The following MBTD1 variants were observed in gnomAD, a reference collection of about 807,000 sequenced individuals.
MBTD1 encodes the protein mbt domain containing 1.
A neutral mutation model predicts 87.8 loss-of-function variants in MBTD1; 24 were observed. That is an observed-to-expected ratio of 0.27 (90% CI 0.20 to 0.38). The LOEUF (loss-of-function observed/expected upper bound fraction) is 0.38, where lower values mean the gene tolerates loss of function less well. MBTD1 is among the 10% of genes least tolerant of loss of function. The pLI, the probability that MBTD1 is intolerant of heterozygous loss-of-function variation, is 1.00. For synonymous variants in MBTD1, 237 were observed against 248.6 expected (o/e 0.95, Z 0.44); for missense variants, 436 against 760.2 (o/e 0.57, Z 5.02).
At chr17:51,260,450 T>C, upstream of MBTD1, 3 of 940,594 alleles carry the variant, frequency 3.2e-6, no homozygotes, top group African/African-American at 1.7e-5. Context: ...AGGGAGGGAG[T>C]GCTGGTCACG....
intron 2 of MBTD1, among the ~76,000 whole-genome samples, chr17:51,226,277 C>T (rs1054530256): frequency 6.6e-6 from 1 of 150,676 alleles, no homozygotes; most frequent in Non-Finnish European, 1.5e-5. Flanking sequence ...TTTGGGAGGC[C>T]GAGGTGGTCA....
At chr17:51,247,477 T>C (rs1383399949) in intron 2 of MBTD1, among the ~76,000 whole-genome samples, 1 of 151,058 alleles carries the variant, frequency 6.6e-6, no homozygotes. Flanking sequence ...GACACGGTCT[T>C]GCTCTATCGT....
Position 51,225,687 on chromosome 17 carries a change from A to C in MBTD1, c.-48-478T>G, listed in dbSNP as rs2053174364. Among the ~76,000 whole-genome samples, 3 of 152,014 alleles carry C rather than the reference A, an allele frequency of 2.0e-5. No homozygotes were observed. In the South Asian group the frequency reaches 6.2e-4, roughly 32 times the overall value. On this transcript the variant is annotated intron_variant, in intron 2 of 16. Coordinates refer to ENST00000586178, the MANE Select transcript of MBTD1 (RefSeq NM_017643.3). ...ATGTCCTGCCTCTGCATCCCAAAGC[A>C]CTGGGATGACAGGCGTGAGCCAGTG...
intron 16 of MBTD1, among the ~76,000 whole-genome samples, chr17:51,187,585 C>G (rs996548686): frequency 6.6e-6 from 1 of 151,996 alleles, no homozygotes; most frequent in Non-Finnish European, 1.5e-5. Flanking sequence ...TACAGTGGCT[C>G]ACACCTATGA....
chr17:51,252,926 A>G (rs1338719227), intron 2 of MBTD1, among the ~76,000 whole-genome samples: 3 of 151,912 alleles, frequency 2.0e-5, no homozygotes, highest in African/African-American at 7.3e-5. Flanking sequence ...AAATAATATA[A>G]GCCTAAGCTT....
At chr17:51,260,051 G>C (rs184016270), upstream of MBTD1, 1 of 405,766 alleles carries the variant, frequency 2.5e-6, no homozygotes, top group East Asian at 3.6e-5. Flanking sequence ...AACAACATTA[G>C]CATAGCCCTC....
At chr17:51,220,538 T>A (rs1024784488) in intron 3 of MBTD1, 75 bp from the exon 4 acceptor site, 1 of 1,332,460 alleles carries the variant, frequency 7.5e-7, no homozygotes, top group African/African-American at 1.5e-5. Context: ...TTTAAATAAT[T>A]TCTCCTGCCA....
intron 2 of MBTD1, among the ~76,000 whole-genome samples, chr17:51,246,362 T>C (rs1423388352): frequency 1.3e-5 from 2 of 152,260 alleles, no homozygotes; most frequent in Non-Finnish European, 2.9e-5. Context: ...TGTGGTGTCA[T>C]GTCCATGCTC....
intron 6 of MBTD1, 29 bp from the exon 7 acceptor site, chr17:51,207,034 T>C (rs766921263): frequency 7.9e-7 from 1 of 1,266,550 alleles, no homozygotes; most frequent in South Asian, 1.2e-5. Context: ...TAAATTATTG[T>C]CTTATTAACA....
chr17:51,236,192 T>C (rs755978677), intron 2 of MBTD1, among the ~76,000 whole-genome samples: 4 of 152,196 alleles, frequency 2.6e-5, no homozygotes, highest in African/African-American at 7.2e-5. Flanking sequence ...TAGATATCTA[T>C]ATCCCCAGTG....
chr17:51,190,766 T>C lies in MBTD1; in HGVS notation c.1768+1437A>G, dbSNP rs138570357. Among the ~76,000 whole-genome samples the C allele has an allele frequency of 6.4e-3, 784 of 122,390 alleles. 36 individuals are homozygous for C. In the East Asian group the frequency reaches 0.1, roughly 16 times the overall value. The allele number at this position is 122,390 out of a possible 152,430, so 80.3% of individuals were successfully genotyped here. ...AAAAAAAAAAATATATATATATATA[T>C]ATATAACCTTATCTAAGAATGAAAT... is the stretch of plus-strand genomic sequence containing the variant. On this transcript the variant is annotated intron_variant, in intron 16 of 16. Coordinates refer to ENST00000586178, the MANE Select transcript of MBTD1 (RefSeq NM_017643.3).
chr17:51,205,870 A>T (rs960881687), intron 7 of MBTD1, among the ~76,000 whole-genome samples: 1 of 152,220 alleles, frequency 6.6e-6, no homozygotes, highest in Non-Finnish European at 1.5e-5. Flanking sequence ...AGCAGTCTAC[A>T]GTGTGTTTTG....
upstream of MBTD1, chr17:51,260,745 C>T (rs377075898): frequency 1.9e-6 from 3 of 1,584,424 alleles, no homozygotes; most frequent in African/African-American, 1.3e-5. Flanking sequence ...CCGGCCCGGC[C>T]GAGCGCGGCG....
intron 2 of MBTD1, 143 bp downstream of exon 2, chr17:51,259,000 C>A: frequency 5.1e-6 from 2 of 391,918 alleles, no homozygotes; most frequent in South Asian, 2.9e-4. Flanking sequence ...AAAAAAGGAG[C>A]AACTTAACCA....
At chr17:51,252,427 C>T (rs2054841770) in intron 2 of MBTD1, among the ~76,000 whole-genome samples, 1 of 152,088 alleles carries the variant, frequency 6.6e-6, no homozygotes, top group Non-Finnish European at 1.5e-5. Context: ...ACATTTTGCT[C>T]TTCAAAATAA....
At chr17:51,200,911 A>G (rs989781829) in intron 12 of MBTD1, among the ~76,000 whole-genome samples, 1 of 151,940 alleles carries the variant, frequency 6.6e-6, no homozygotes, top group Non-Finnish European at 1.5e-5. Context: ...CTATAATCCT[A>G]GCACTTTAGG....
intron 2 of MBTD1, among the ~76,000 whole-genome samples, chr17:51,258,850 CCCAGCA>C (rs1391149773): frequency 6.6e-6 from 1 of 152,188 alleles, no homozygotes; most frequent in Non-Finnish European, 1.5e-5. Flanking sequence ...TTGACACTGA[CCCAGCA>C]AAGTTTTCGG....
chr17:51,257,374 C>T lies in MBTD1; in HGVS notation c.-49+1769G>A, dbSNP rs556149899. On this transcript the variant is annotated intron_variant, in intron 2 of 16. Transcript: ENST00000586178. ...TTTTAGAATGTGGTTACTCAGACTACTGAGCACTCTTGGCTTTTAGTAATT... is the reference window on the plus strand; with the variant it reads ...TTTTAGAATGTGGTTACTCAGACTATTGAGCACTCTTGGCTTTTAGTAATT... Among the ~76,000 whole-genome samples, 246 of 152,234 alleles carry T rather than the reference C, an allele frequency of 1.6e-3. 1 individual carries two copies. The highest frequency in any genetic ancestry group is 3.1e-3 in the Non-Finnish European group (209 of 68,042).
At chr17:51,250,364 G>A (rs2054705999) in intron 2 of MBTD1, 1 of 152,140 alleles carries the variant, frequency 6.6e-6, no homozygotes, top group Admixed American at 6.5e-5. Flanking sequence ...CAGTCTTTTT[G>A]TAGGAAATGT....
Sources: allele counts gnomAD v4.1 joint callset (sites outside exome capture counted in the v4.1 genomes callset), GRCh38; gene constraint gnomAD v4.1.1; transcripts MANE v1.5; gene names NCBI Gene and HGNC (gene_info 2026-07-23, HGNC 2026-07-21).